The following ARHGEF3 variants were observed in gnomAD, a reference collection of about 807,000 sequenced individuals.
ARHGEF3 encodes the protein 59.8 kDA protein.
Under a neutral mutation model 63.2 loss-of-function variants are expected in ARHGEF3, and 28 were observed. The ratio of observed to expected loss-of-function variants is 0.44; its 90% confidence interval spans 0.33 to 0.61. The LOEUF is 0.61. Ranked by LOEUF, ARHGEF3 falls within the 20% of genes least tolerant of loss-of-function variation. ARHGEF3 has a pLI of 0.03. For synonymous variants in ARHGEF3, 266 were observed against 254.2 expected (o/e 1.05, Z -0.44); for missense variants, 533 against 659.3 (o/e 0.81, Z 2.10).
intron 4 of ARHGEF3, among the ~76,000 whole-genome samples, chr3:56,880,311 A>G (rs944547651): frequency 3.9e-5 from 6 of 152,240 alleles, no homozygotes; most frequent in African/African-American, 1.4e-4. Flanking sequence ...ATGGTTAAGA[A>G]AAAAGGAAAT....
At chr3:56,972,953 C>T (rs966077645) in intron 2 of ARHGEF3, among the ~76,000 whole-genome samples, 1 of 150,966 alleles carries the variant, frequency 6.6e-6, no homozygotes, top group Non-Finnish European at 1.5e-5. Context: ...TGAGGGATGG[C>T]AGGGACTTGG....
chr3:56,918,030 C>A (rs1186099892), intron 3 of ARHGEF3, among the ~76,000 whole-genome samples: 2 of 152,152 alleles, frequency 1.3e-5, no homozygotes, highest in Non-Finnish European at 2.9e-5. Context: ...AAGCCTGACT[C>A]CCCACAAAGC....
chr3:56,809,035 C>T (rs532057217), intron 4 of ARHGEF3, among the ~76,000 whole-genome samples: 1 of 152,188 alleles, frequency 6.6e-6, no homozygotes, highest in Admixed American at 6.5e-5. Context: ...TCACTTCAGA[C>T]TTTGATCATT....
At chr3:57,007,341 A>T in intron 2 of ARHGEF3, 1 of 1,289,792 alleles carries the variant, frequency 7.8e-7, no homozygotes, top group African/African-American at 1.5e-5. Context: ...ACAGCCCTGA[A>T]GGAAAGACAG....
intron 4 of ARHGEF3, among the ~76,000 whole-genome samples, chr3:56,874,666 C>T (rs1651058187): frequency 1.3e-5 from 2 of 152,130 alleles, no homozygotes; most frequent in African/African-American, 4.8e-5. Context: ...TTTGGGGATG[C>T]CTGTCATAAA....
At chr3:56,971,629 A>G (rs1029196593) in intron 2 of ARHGEF3, among the ~76,000 whole-genome samples, 1 of 151,510 alleles carries the variant, frequency 6.6e-6, no homozygotes, top group African/African-American at 2.4e-5. Context: ...AGGTGGGTGG[A>G]TCATGAGGTC....
chr3:56,753,482 T>A (rs751813722), intron 4 of ARHGEF3, 22 bp downstream of exon 4: 1 of 1,609,782 alleles, frequency 6.2e-7, no homozygotes, highest in Non-Finnish European at 8.5e-7. Context: ...TTGACTCAAG[T>A]GACTGCTGGA....
intron 1 of ARHGEF3, chr3:56,775,012 A>C: frequency 6.5e-7 from 1 of 1,543,942 alleles, no homozygotes; most frequent in South Asian, 1.2e-5. Flanking sequence ...TTGTCCTCCT[A>C]AGCTCCATCT....
At chr3:56,742,850 A>G (rs1160300000) in intron 7 of ARHGEF3, among the ~76,000 whole-genome samples, 1 of 152,250 alleles carries the variant, frequency 6.6e-6, no homozygotes, top group Non-Finnish European at 1.5e-5. Context: ...TTACTGGCAC[A>G]TCATTTTGAA....
intron 1 of ARHGEF3, among the ~76,000 whole-genome samples, chr3:57,045,994 G>A (rs1198523057): frequency 1.3e-5 from 2 of 152,096 alleles, no homozygotes; most frequent in African/African-American, 2.4e-5. Context: ...CTTAAGTACA[G>A]CATACTTCAT....
rs143970287 is a variant in ARHGEF3, at chr3:56,732,339, C to T, written c.1127G>A (p.Arg376His). 553 of 1,614,180 alleles carry T rather than the reference C, an allele frequency of 3.4e-4. 2 individuals carry two copies. Among genetic ancestry groups the T allele is most frequent in the Middle Eastern group, 6.6e-4 (4 of 6,062 alleles). Residue 376 changes from arginine (R) to histidine (H), a missense_variant, in exon 9 of 10, where the codon CGT becomes CAT. By Grantham distance (29) the Arg-to-His change is conservative. Transcript: ENST00000296315. The part of the protein sequence containing the change: ...HNEQLCYQLY[R>H]QPIPVKDLLL... ...GAGGTCTTTCACGGGGATTGGCTGACGGTACAGCTGGTAGCAAAGCTGCTC... is the reference window on the plus strand; with the variant it reads ...GAGGTCTTTCACGGGGATTGGCTGATGGTACAGCTGGTAGCAAAGCTGCTC...
At chr3:56,890,525 G>A (rs562847103) in intron 3 of ARHGEF3, among the ~76,000 whole-genome samples, 2 of 152,314 alleles carry the variant, frequency 1.3e-5, no homozygotes, top group East Asian at 1.9e-4. Flanking sequence ...GTTATTTGAT[G>A]TTGAGAGTCA....
chr3:56,739,824 G>C (rs1040094395), intron 7 of ARHGEF3, among the ~76,000 whole-genome samples: 2 of 152,054 alleles, frequency 1.3e-5, no homozygotes, highest in Non-Finnish European at 2.9e-5. Context: ...TTACAGCTTT[G>C]AGCTGAAGTT....
chr3:56,884,713 C>T (rs1173510812), intron 3 of ARHGEF3, among the ~76,000 whole-genome samples: 58 of 152,216 alleles, frequency 3.8e-4, no homozygotes, highest in Admixed American at 3.7e-3. Flanking sequence ...GCACAGCTGC[C>T]GTTTTTGAGG....
At chr3:57,042,696 A>ATTTTT (rs1560156436) in intron 1 of ARHGEF3, among the ~76,000 whole-genome samples, 1 of 33,530 alleles carries the variant, frequency 3.0e-5, no homozygotes, top group Non-Finnish European at 6.6e-5. Context: ...ATATATATAT[A>ATTTTT]TATATTTTTT....
At chr3:56,787,937 G>A (rs2036905440) in intron 1 of ARHGEF3, among the ~76,000 whole-genome samples, 1 of 152,146 alleles carries the variant, frequency 6.6e-6, no homozygotes, top group South Asian at 2.1e-4. Context: ...GCAAGGCCTG[G>A]GTTCTTAATT....
At chr3:57,066,186 G>A (rs1331829485) in intron 1 of ARHGEF3, among the ~76,000 whole-genome samples, 1 of 152,144 alleles carries the variant, frequency 6.6e-6, no homozygotes, top group African/African-American at 2.4e-5. Context: ...GTCAATCAAA[G>A]GGGAGGGAAT....
At chr3:56,753,772 G>C (rs2034907423) in intron 3 of ARHGEF3, among the ~76,000 whole-genome samples, 1 of 152,128 alleles carries the variant, frequency 6.6e-6, no homozygotes, top group South Asian at 2.1e-4. Context: ...TCTGTTTGTG[G>C]GAGAAAGTTT....
chr3:56,885,151 G>T (rs922086625), intron 3 of ARHGEF3, among the ~76,000 whole-genome samples: 1 of 152,190 alleles, frequency 6.6e-6, no homozygotes, highest in Admixed American at 6.5e-5. Flanking sequence ...ATGAATTGGG[G>T]CATGGCAGCA....
Sources: gnomAD v4.1 joint callset for allele counts (sites outside exome capture counted in the v4.1 genomes callset) on GRCh38, gnomAD v4.1.1 for gene constraint, MANE v1.5 for transcripts, NCBI Gene and HGNC (gene_info 2026-07-23, HGNC 2026-07-21) for gene names.